Variants in COL23A1 observed in about 807,000 individuals in gnomAD.
The protein encoded by COL23A1 is collagen type XXIII alpha 1 chain.
Under a neutral mutation model 99.3 loss-of-function variants are expected in COL23A1, and 97 were observed. That is an observed-to-expected ratio of 0.98 (90% CI 0.83 to 1.16). The LOEUF (loss-of-function observed/expected upper bound fraction) is 1.16, where lower values mean the gene tolerates loss of function less well. COL23A1 is among the 50% of genes most tolerant of loss of function. COL23A1 has a pLI of 0.00. For missense variants in COL23A1, 762 were observed against 757.4 expected (o/e 1.01, Z -0.07); for synonymous variants, 320 against 308.2 (o/e 1.04, Z -0.40).
intron 2 of COL23A1, among the ~76,000 whole-genome samples, chr5:178,455,941 A>C (rs1767766753): frequency 6.6e-6 from 1 of 152,256 alleles, no homozygotes; most frequent in Admixed American, 6.5e-5. Flanking sequence ...AGAGTAGCTA[A>C]GACAATTTTT....
chr5:178,502,852 CG>C (rs1758647319), intron 2 of COL23A1, among the ~76,000 whole-genome samples: 1 of 152,148 alleles, frequency 6.6e-6, no homozygotes, highest in Non-Finnish European at 1.5e-5. Flanking sequence ...TGGAAATACC[CG>C]AAGTCCACCA....
At chr5:178,553,169 T>TAAAAAAAA (rs55857926) in intron 2 of COL23A1, among the ~76,000 whole-genome samples, 1 of 135,070 alleles carries the variant, frequency 7.4e-6, no homozygotes, top group Non-Finnish European at 1.6e-5. Context: ...GATCCTATCT[T>TAAAAAAAA]AAAAAAAAAA....
chr5:178,576,229 C>G (rs1374051900), intron 1 of COL23A1, among the ~76,000 whole-genome samples: 1 of 152,126 alleles, frequency 6.6e-6, no homozygotes, highest in Admixed American at 6.5e-5. Context: ...AGCCCACTGG[C>G]GTTGCCATTC....
Position 178,290,249 on chromosome 5 carries a change from A to T in COL23A1, c.414+113T>A. On this transcript the variant is annotated intron_variant, in intron 4 of 28. Transcript: ENST00000390654. ...ACCTGGCCACTTTTTAATAGGACTG[A>T]TGTTTTCTGAGGACACACCTCCCTA... 11 of 1,480,480 alleles carry T rather than the reference A, an allele frequency of 7.4e-6. No individual in the cohort carries two copies. The South Asian group carries it at 1.2e-4, about 17-fold the overall frequency. 91.7% of individuals were successfully genotyped at this position (1,480,480 alleles called of 1,614,324 possible).
At chr5:178,437,777 A>G (rs1371219239) in intron 2 of COL23A1, among the ~76,000 whole-genome samples, 7 of 152,058 alleles carry the variant, frequency 4.6e-5, no homozygotes, top group Admixed American at 4.6e-4. Flanking sequence ...CTCCTTCCCA[A>G]TGTTCATCAG....
intron 2 of COL23A1, among the ~76,000 whole-genome samples, chr5:178,422,463 C>T (rs73336648): frequency 0.015 from 2,344 of 152,256 alleles, 55 homozygotes; most frequent in African/African-American, 0.05. Flanking sequence ...GGACTGAGGG[C>T]CAGAGGGCCA....
chr5:178,576,945 C>A (rs928178653), intron 1 of COL23A1, among the ~76,000 whole-genome samples: 6 of 151,820 alleles, frequency 4.0e-5, no homozygotes, highest in Non-Finnish European at 7.4e-5. Context: ...GCGGAGACGT[C>A]TTCCCCGCTG....
intron 3 of COL23A1, among the ~76,000 whole-genome samples, chr5:178,293,409 CT>C (rs1391877632): frequency 6.6e-6 from 1 of 152,156 alleles, no homozygotes; most frequent in Non-Finnish European, 1.5e-5. Context: ...AAGTTCTCTT[CT>C]GATTGTGCCA....
chr5:178,579,500 A>AT (rs1245204590), intron 1 of COL23A1, among the ~76,000 whole-genome samples: 1 of 152,036 alleles, frequency 6.6e-6, no homozygotes, highest in African/African-American at 2.4e-5. Flanking sequence ...GTCGCCCAGG[A>AT]TAGAGTGTGG....
Position 178,414,751 on chromosome 5 carries a change from G to A in COL23A1, c.362-107832C>T, listed in dbSNP as rs1807332. ...GACACTACTACACTCCAGCATGAGT[G>A]ACAGAGTGAGACTCCAACTAAATAA... On this transcript the variant is annotated intron_variant, in intron 2 of 28. Transcript: ENST00000390654. Among the ~76,000 whole-genome samples, 575 of 152,278 alleles carry A rather than the reference G, an allele frequency of 3.8e-3. 6 individuals are homozygous for A. Among genetic ancestry groups the A allele is most frequent in the African/African-American group, 0.013 (554 of 41,560 alleles).
intron 11 of COL23A1, among the ~76,000 whole-genome samples, chr5:178,260,925 C>T (rs1411041012): frequency 2.0e-5 from 3 of 152,180 alleles, no homozygotes; most frequent in African/African-American, 4.8e-5. Flanking sequence ...TGTCAACACA[C>T]ACTTGTCCGA....
rs1206240856 is a variant in COL23A1, at chr5:178,498,273, T to TA, written c.361+62408dup. ...ATATATATATAAAAGAACTTAAAAATAAAAAAATAAAAATAAAAAATTAAA... is the reference window on the plus strand; with the variant it reads ...ATATATATATAAAAGAACTTAAAAATAAAAAAAATAAAAATAAAAAATTAAA... On this transcript the variant is annotated intron_variant, in intron 2 of 28. Coordinates refer to ENST00000390654, the MANE Select transcript of COL23A1 (RefSeq NM_173465.4). Among the ~76,000 whole-genome samples, 224 of 93,100 alleles carry TA rather than the reference T, an allele frequency of 2.4e-3. 2 individuals carry two copies. The highest frequency in any genetic ancestry group is 4.4e-3 in the Non-Finnish European group (199 of 45,336). 61.1% of individuals were successfully genotyped at this position (93,100 alleles called of 152,430 possible).
intron 2 of COL23A1, among the ~76,000 whole-genome samples, chr5:178,361,804 C>G (rs1039854432): frequency 1.3e-5 from 2 of 152,182 alleles, no homozygotes; most frequent in African/African-American, 4.8e-5. Flanking sequence ...TGCACCGGCT[C>G]TCACTGTCTC....
chr5:178,329,797 C>T (rs1184020806), intron 2 of COL23A1, among the ~76,000 whole-genome samples: 1 of 152,066 alleles, frequency 6.6e-6, no homozygotes, highest in Non-Finnish European at 1.5e-5. Context: ...ATTAGCCAGG[C>T]GTGCTGGTAG....
At chr5:178,499,692 G>A (rs956933520) in intron 2 of COL23A1, among the ~76,000 whole-genome samples, 1 of 152,190 alleles carries the variant, frequency 6.6e-6, no homozygotes, top group Non-Finnish European at 1.5e-5. Context: ...CCTAATAAAT[G>A]ATCAACCATT....
At chr5:178,248,430 T>C (rs909079466) in intron 19 of COL23A1, among the ~76,000 whole-genome samples, 176 bp from the exon 20 acceptor site, 3 of 152,168 alleles carry the variant, frequency 2.0e-5, no homozygotes, top group Admixed American at 6.5e-5. Flanking sequence ...TGGTGGGCAG[T>C]GTGGGCTTTA....
intron 27 of COL23A1, among the ~76,000 whole-genome samples, chr5:178,239,423 G>C (rs1764274578): frequency 6.6e-6 from 1 of 152,214 alleles, no homozygotes; most frequent in Non-Finnish European, 1.5e-5. Flanking sequence ...TGCTTTGTGG[G>C]GACTGCTGTG....
intron 8 of COL23A1, 37 bp from the exon 9 acceptor site, chr5:178,263,361 AG>A (rs775573375): frequency 7.6e-7 from 1 of 1,309,586 alleles, no homozygotes; most frequent in East Asian, 2.4e-5. Flanking sequence ...TCTGAGGGGG[AG>A]GGGGTCCAGC....
Position 178,257,587 on chromosome 5 carries a change from G to T in COL23A1, c.730-20C>A. ...GTCGCCCTGAGGAGAGGACACCTGGGGCTTGCCGGTCAGACCCTCGGGTGG... is the reference window on the plus strand; with the variant it reads ...GTCGCCCTGAGGAGAGGACACCTGGTGCTTGCCGGTCAGACCCTCGGGTGG... On this transcript the variant is annotated intron_variant, in intron 12 of 28. Coordinates refer to ENST00000390654, the MANE Select transcript of COL23A1 (RefSeq NM_173465.4). 6.4e-7 allele frequency: 1 copy of T among 1,552,936 alleles called. No homozygotes were observed. Among genetic ancestry groups the T allele is most frequent in the Non-Finnish European group, 8.7e-7 (1 of 1,148,312 alleles).
Sources: allele counts gnomAD v4.1 joint callset (sites outside exome capture counted in the v4.1 genomes callset), GRCh38; gene constraint gnomAD v4.1.1; transcripts MANE v1.5; gene names NCBI Gene and HGNC (gene_info 2026-07-23, HGNC 2026-07-21).